The following ASIC2 variants were observed in gnomAD, a reference collection of about 807,000 sequenced individuals.
ASIC2 encodes acid sensing ion channel subunit 2.
Under a neutral mutation model 57.3 loss-of-function variants are expected in ASIC2, and 25 were observed. That is an observed-to-expected ratio of 0.44 (90% CI 0.32 to 0.61). ASIC2 has a LOEUF of 0.61. ASIC2 is among the 20% of genes least tolerant of loss of function. The pLI is 0.06. For missense variants in ASIC2, 641 were observed against 738.1 expected (o/e 0.87, Z 1.52); for synonymous variants, 319 against 307.5 (o/e 1.04, Z -0.39).
intron 1 of ASIC2, chr17:33,834,558 T>G (rs891521223): frequency 6.6e-6 from 1 of 152,182 alleles, no homozygotes; most frequent in African/African-American, 2.4e-5. Flanking sequence ...GGAAGGAAAG[T>G]TTCTTTTTCC....
chr17:33,571,031 T>A (rs1916417683), intron 1 of ASIC2, among the ~76,000 whole-genome samples: 1 of 152,128 alleles, frequency 6.6e-6, no homozygotes, highest in Non-Finnish European at 1.5e-5. Flanking sequence ...TGGGAGGAGA[T>A]CTAAAATATC....
chr17:33,445,345 T>G (rs1365470277), intron 1 of ASIC2, among the ~76,000 whole-genome samples: 1 of 152,120 alleles, frequency 6.6e-6, no homozygotes, highest in African/African-American at 2.4e-5. Flanking sequence ...GCACAATAAT[T>G]GCTTGAACCT....
rs531074419 is a variant in ASIC2 at position 33,307,530 on chromosome 17, G to A, written c.556-195463C>T. Among the ~76,000 whole-genome samples, 39 of 152,118 alleles carry A rather than the reference G, an allele frequency of 2.6e-4. No homozygotes were observed. In the East Asian group the frequency reaches 4.1e-3, roughly 16 times the overall value. ...TCACCATGTTGGCCAGACTAGTCTCGAACTCCTGACTTCAGGTGATCCACC... is the reference window on the plus strand; with the variant it reads ...TCACCATGTTGGCCAGACTAGTCTCAAACTCCTGACTTCAGGTGATCCACC... On this transcript the variant is annotated intron_variant, in intron 1 of 9. Coordinates refer to the ASIC2 transcript ENST00000359872.
At chr17:33,575,945 C>T (rs1276302719) in intron 1 of ASIC2, among the ~76,000 whole-genome samples, 7 of 152,138 alleles carry the variant, frequency 4.6e-5, no homozygotes, top group African/African-American at 1.4e-4. Context: ...TAGTTGTTAA[C>T]ACATGAAAAT....
intron 1 of ASIC2, among the ~76,000 whole-genome samples, chr17:33,863,242 T>C (rs781343095): frequency 6.6e-6 from 1 of 152,252 alleles, no homozygotes; most frequent in African/African-American, 2.4e-5. Flanking sequence ...GAAGCCCTGA[T>C]GGAGAGAAGA....
chr17:33,115,577 T>G (rs998137034), intron 1 of ASIC2, among the ~76,000 whole-genome samples: 1 of 152,212 alleles, frequency 6.6e-6, no homozygotes, highest in Non-Finnish European at 1.5e-5. Context: ...TAGAATGTTC[T>G]GGCGCGCTTT....
chr17:33,841,395 A>G (rs971003038), intron 1 of ASIC2, among the ~76,000 whole-genome samples: 4 of 152,240 alleles, frequency 2.6e-5, no homozygotes, highest in Admixed American at 6.5e-5. Flanking sequence ...AAAGTCTAAA[A>G]GCCAGGCTTT....
Position 34,099,193 on chromosome 17 carries a change from A to G in ASIC2, c.555+56785T>C, listed in dbSNP as rs867973446. Reference sequence around the variant, plus strand: ...GAAAGAAAGAAAGAAAGAAAGAAAGAAAGAAAGAAAGAAAGAAAGGAAAGA... The same window carrying G: ...GAAAGAAAGAAAGAAAGAAAGAAAGGAAGAAAGAAAGAAAGAAAGGAAAGA... On this transcript the variant is annotated intron_variant, in intron 1 of 9. Coordinates refer to the ASIC2 transcript ENST00000359872. Among the ~76,000 whole-genome samples, 23 of 120,434 alleles carry G rather than the reference A, an allele frequency of 1.9e-4. 1 individual carries two copies. Among genetic ancestry groups the G allele is most frequent in the African/African-American group, 8.0e-4 (20 of 25,156 alleles). The allele number at this position is 120,434 out of a possible 152,430, so 79.0% of individuals were successfully genotyped here. A position where few individuals can be genotyped will look rare whatever the true frequency, so the allele number is the denominator to read the frequency against.
At chr17:33,370,253 A>G (rs1908997842) in intron 1 of ASIC2, among the ~76,000 whole-genome samples, 1 of 152,196 alleles carries the variant, frequency 6.6e-6, no homozygotes, top group African/African-American at 2.4e-5. Flanking sequence ...GGAGAATTTC[A>G]GCATGTTCTC....
chr17:33,451,430 AC>A (rs1912245528), intron 1 of ASIC2, among the ~76,000 whole-genome samples: 1 of 152,032 alleles, frequency 6.6e-6, no homozygotes, highest in Non-Finnish European at 1.5e-5. Context: ...CAAAAGTTTG[AC>A]CTTCTATGAC....
Position 33,766,349 on chromosome 17 carries a change from T to A in ASIC2, c.555+389629A>T, listed in dbSNP as rs1910936149. Among the ~76,000 whole-genome samples the A allele has an allele frequency of 2.0e-5, 3 of 152,276 alleles. No individual in the cohort carries two copies. The South Asian group carries it at 6.2e-4, about 32-fold the overall frequency. Reference sequence around the variant, plus strand: ...CAGCTGCTGAGGCTTTTGGAATGTATCCCCTACAGATATAGAGGGACTGCT... The same window carrying A: ...CAGCTGCTGAGGCTTTTGGAATGTAACCCCTACAGATATAGAGGGACTGCT... On this transcript the variant is annotated intron_variant, in intron 1 of 9. Transcript: ENST00000359872.
At chr17:33,853,947 T>G (rs1318304659) in intron 1 of ASIC2, among the ~76,000 whole-genome samples, 1 of 152,188 alleles carries the variant, frequency 6.6e-6, no homozygotes, top group African/African-American at 2.4e-5. Context: ...TGCAGGTCTC[T>G]ACTTTATGAT....
chr17:33,737,840 G>A (rs1296985566), intron 1 of ASIC2, among the ~76,000 whole-genome samples: 3 of 152,184 alleles, frequency 2.0e-5, no homozygotes, highest in African/African-American at 7.2e-5. Flanking sequence ...AGTAACTTGT[G>A]AGTAGGAATT....
chr17:33,963,060 G>A (rs1292145113), intron 1 of ASIC2, among the ~76,000 whole-genome samples: 1 of 152,186 alleles, frequency 6.6e-6, no homozygotes, highest in South Asian at 2.1e-4. Context: ...ACATATGTAA[G>A]AGGAGCTCAG....
At chr17:33,521,315 G>T (rs1458589700) in intron 1 of ASIC2, among the ~76,000 whole-genome samples, 1 of 152,192 alleles carries the variant, frequency 6.6e-6, no homozygotes, top group African/African-American at 2.4e-5. Context: ...CTCTGCAGGG[G>T]GAGGTGGGAG....
At chr17:33,825,027 G>T (rs564747716) in intron 1 of ASIC2, among the ~76,000 whole-genome samples, 6 of 152,088 alleles carry the variant, frequency 3.9e-5, no homozygotes, top group Non-Finnish European at 7.4e-5. Context: ...TCCCCGTCTC[G>T]CTCTCTACTT....
intron 1 of ASIC2, among the ~76,000 whole-genome samples, chr17:34,099,774 GA>G (rs1456924727): frequency 2.9e-5 from 1 of 34,236 alleles, no homozygotes. Flanking sequence ...AAGAAAGAAA[GA>G]AAGAAAGAAA....
chr17:34,003,743 C>T (rs1906425316), intron 1 of ASIC2: 2 of 152,166 alleles, frequency 1.3e-5, no homozygotes, highest in South Asian at 2.1e-4. Context: ...TAAATTGAAC[C>T]CATGTCTGTC....
At chr17:33,560,186 C>T (rs1011110910) in intron 1 of ASIC2, among the ~76,000 whole-genome samples, 3 of 152,180 alleles carry the variant, frequency 2.0e-5, no homozygotes, top group African/African-American at 7.2e-5. Flanking sequence ...TGTGCGCAGG[C>T]AGAGGCAATC....
Sources: allele counts gnomAD v4.1 joint callset (sites outside exome capture counted in the v4.1 genomes callset), GRCh38; gene constraint gnomAD v4.1.1; transcripts MANE v1.5; gene names NCBI Gene and HGNC (gene_info 2026-07-23, HGNC 2026-07-21).